AGPAT4: variants seen among roughly 807,000 people sequenced by gnomAD.
AGPAT4 encodes 1-acyl-sn-glycerol-3-phosphate acyltransferase delta.
Under a neutral mutation model 48.0 loss-of-function variants are expected in AGPAT4, and 15 were observed. That is an observed-to-expected ratio of 0.31 (90% CI 0.21 to 0.48). The LOEUF is 0.48. Among genes scored for constraint, AGPAT4 ranks in the 20% least tolerant of loss-of-function variants. The pLI is 0.99. For synonymous variants in AGPAT4, 178 were observed against 198.7 expected, an observed-to-expected ratio of 0.90 and a Z score of 0.88; for missense variants, 314 against 482.5, an observed-to-expected ratio of 0.65 and a Z score of 3.27.
At chr6:161,258,013 T>A (rs1782990915) in intron 1 of AGPAT4, among the ~76,000 whole-genome samples, 1 of 152,210 alleles carries the variant, frequency 6.6e-6, no homozygotes, top group Non-Finnish European at 1.5e-5. Flanking sequence ...GGCGCACACA[T>A]CCTGGCTCCA....
At position 161,161,417 on chromosome 6, in the gene AGPAT4, T is replaced by C; in HGVS notation, c.348+4831A>G. 1 of 456,740 alleles carries C rather than the reference T, an allele frequency of 2.2e-6. No homozygotes were observed. Among genetic ancestry groups the C allele is most frequent in the Non-Finnish European group, 4.4e-6 (1 of 226,988 alleles). 28.3% of individuals were successfully genotyped at this position (456,740 alleles called of 1,614,324 possible). Reference sequence around the variant, plus strand: ...CATGTGATTCCAGATCCCAGCACACTTGCCAAACCCAGTGAATGGTAAGAG... The same window carrying C: ...CATGTGATTCCAGATCCCAGCACACCTGCCAAACCCAGTGAATGGTAAGAG... On this transcript the variant is annotated intron_variant, in intron 3 of 8. Transcript: ENST00000320285. This position sits in a 1 kb window ranked among gnomAD's most constrained non-coding sequence, Gnocchi z 4.6.
Position 161,259,801 on chromosome 6 carries a change from GA to G in AGPAT4, c.-90+14136del, listed in dbSNP as rs1783048673. Reference sequence around the variant, plus strand: ...GAGTTAAGAACTGCCGAAAGAAAATGAAAGTCTTCCGGACAGGGGTCCACTT... The same window carrying G: ...GAGTTAAGAACTGCCGAAAGAAAATGAAGTCTTCCGGACAGGGGTCCACTT... On this transcript the variant is annotated intron_variant, in intron 1 of 8. Coordinates refer to ENST00000320285, the MANE Select transcript of AGPAT4 (RefSeq NM_020133.3). The surrounding 1 kb of genome is among the most constrained non-coding windows in gnomAD (Gnocchi z 4.9). Among the ~76,000 whole-genome samples, 1 of 152,080 alleles carries G rather than the reference GA, an allele frequency of 6.6e-6. No homozygotes were observed. Among genetic ancestry groups the G allele is most frequent in the African/African-American group, 2.4e-5 (1 of 41,414 alleles).
intron 2 of AGPAT4, among the ~76,000 whole-genome samples, chr6:161,172,788 C>T (rs778232717): frequency 3.2e-4 from 49 of 151,506 alleles, no homozygotes; most frequent in Non-Finnish European, 5.9e-4. Flanking sequence ...TGCTATCCAT[C>T]CCCCTTCCCC....
At position 161,206,018 on chromosome 6, in the gene AGPAT4, G is replaced by A. The variant is rs76489556; in HGVS notation, c.178+26018C>T. 0.012 allele frequency among the ~76,000 whole-genome samples: 1,812 copies of A among 152,170 alleles called. 32 individuals are homozygous for A. The highest frequency in any genetic ancestry group is 0.041 in the African/African-American group (1,691 of 41,518). ...GGGCACACCTCGGGATCTGAGGAAC[G>A]ACATGGTGGTGAACTCTTTGTACTC... On this transcript the variant is annotated intron_variant, in intron 2 of 8. Transcript: ENST00000320285. This position sits in a 1 kb window ranked among gnomAD's most constrained non-coding sequence, Gnocchi z 4.8.
At chr6:161,163,732 T>C (rs1780005888) in intron 3 of AGPAT4, among the ~76,000 whole-genome samples, 1 of 152,200 alleles carries the variant, frequency 6.6e-6, no homozygotes, top group African/African-American at 2.4e-5. Flanking sequence ...TCTGTGGTGT[T>C]TGGAGAAGAG....
chr6:161,216,562 A>T lies in AGPAT4; in HGVS notation c.178+15474T>A, dbSNP rs1781652118. ...CAGGCCCCACCCCAGCACTCTCTTA[A>T]TTCAGATGATTTTCCCCAGTGTCCG... On this transcript the variant is annotated intron_variant, in intron 2 of 8. Coordinates refer to ENST00000320285, the MANE Select transcript of AGPAT4 (RefSeq NM_020133.3). This position sits in a 1 kb window ranked among gnomAD's most constrained non-coding sequence, Gnocchi z 4.8. Among the ~76,000 whole-genome samples the T allele has an allele frequency of 6.6e-6, 1 of 152,122 alleles. No individual in the cohort carries two copies. The highest frequency in any genetic ancestry group is 1.5e-5 in the Non-Finnish European group (1 of 68,034).
Position 161,161,082 on chromosome 6 carries a change from G to A in AGPAT4, c.348+5166C>T, listed in dbSNP as rs778125401. On this transcript the variant is annotated intron_variant, in intron 3 of 8. Transcript: ENST00000320285. This position sits in a 1 kb window ranked among gnomAD's most constrained non-coding sequence, Gnocchi z 4.6. ...GTGTACAGCAGACAGCACAGGCTGT[G>A]ACCGTTTGCTGAGGGCTGCGCACAG... 1.1e-5 allele frequency: 5 copies of A among 456,726 alleles called. No individual in the cohort carries two copies. Among genetic ancestry groups the A allele is most frequent in the South Asian group, 7.7e-5 (5 of 64,562 alleles). 28.3% of individuals were successfully genotyped at this position (456,726 alleles called of 1,614,324 possible). A position where few individuals can be genotyped will look rare whatever the true frequency, so the allele number is the denominator to read the frequency against.
At chr6:161,263,004 G>A (rs78560665) in intron 1 of AGPAT4, among the ~76,000 whole-genome samples, 1 of 152,142 alleles carries the variant, frequency 6.6e-6, no homozygotes, top group Admixed American at 6.5e-5. Flanking sequence ...CGAGTGACCA[G>A]AGGCAGAAGA....
intron 2 of AGPAT4, among the ~76,000 whole-genome samples, chr6:161,176,647 G>A (rs1449875614): frequency 1.3e-5 from 2 of 152,084 alleles, no homozygotes; most frequent in East Asian, 1.9e-4. Flanking sequence ...TACATTTAAG[G>A]TTAATATTGT....
In AGPAT4 at chr6:161,264,513, G is replaced by A. The variant is rs1466391304; in HGVS notation, c.-90+9425C>T. ...TCTTCTCTAGGAAGTATTTTAGGAAGCCCAGACTGGGCAGGGGTGGTGAGG... is the reference window on the plus strand; with the variant it reads ...TCTTCTCTAGGAAGTATTTTAGGAAACCCAGACTGGGCAGGGGTGGTGAGG... On this transcript the variant is annotated intron_variant, in intron 1 of 8. Transcript: ENST00000320285. The surrounding 1 kb of genome is among the most constrained non-coding windows in gnomAD (Gnocchi z 6.8). Among the ~76,000 whole-genome samples, 1 of 152,188 alleles carries A rather than the reference G, an allele frequency of 6.6e-6. No individual in the cohort carries two copies. The highest frequency in any genetic ancestry group is 1.9e-4 in the East Asian group (1 of 5,192).
rs866583574 is a variant in AGPAT4 at position 161,232,124 on chromosome 6, G to T, written c.90C>A (p.Thr30=). 9.9e-6 allele frequency: 16 copies of T among 1,614,152 alleles called. No individual in the cohort carries two copies. The Middle Eastern group carries it at 2.5e-3, about 250-fold the overall frequency. ...AGAGGAGGAGAGTGAAGAGCTGAATGGTGTTGATGATTAGCCCTGAGGCAA... is the reference window on the plus strand; with the variant it reads ...AGAGGAGGAGAGTGAAGAGCTGAATTGTGTTGATGATTAGCCCTGAGGCAA... ...VFIASGLIIN[T]IQLFTLLLWP... is the part of the protein sequence containing the mutation. The change falls in exon 2 of 9, where the codon ACC becomes ACA. Residue 30 remains threonine (T), a synonymous_variant. Transcript: ENST00000320285. This position sits in a 1 kb window ranked among gnomAD's most constrained non-coding sequence, Gnocchi z 6.8.
chr6:161,229,463 G>T lies in AGPAT4; in HGVS notation c.178+2573C>A, dbSNP rs770609413. Among the ~76,000 whole-genome samples, 15 of 152,098 alleles carry T rather than the reference G, an allele frequency of 9.9e-5. No homozygotes were observed. The highest frequency in any genetic ancestry group is 2.1e-4 in the Non-Finnish European group (14 of 68,024). Reference sequence around the variant, plus strand: ...TCTGGCTGATCAGTGGCCCAGCAAGGCTTCCTAAACACTCTTTTTACATGG... The same window carrying T: ...TCTGGCTGATCAGTGGCCCAGCAAGTCTTCCTAAACACTCTTTTTACATGG... On this transcript the variant is annotated intron_variant, in intron 2 of 8. Transcript: ENST00000320285. The surrounding 1 kb of genome is among the most constrained non-coding windows in gnomAD (Gnocchi z 6.0).
rs191457892 is a variant in AGPAT4, at chr6:161,153,527, G to A, written c.511-28C>T. The A allele has an allele frequency of 1.8e-3, 2,818 of 1,609,800 alleles. 3 individuals carry two copies. Among genetic ancestry groups the A allele is most frequent in the Non-Finnish European group, 2.1e-3 (2,512 of 1,178,740 alleles). ...GGAAGGAAGGAGGCAGGAGTCGCAC[G>A]CAGCCTCGGGGTCACACACAGCCCT... On this transcript the variant is annotated intron_variant, in intron 4 of 8. Coordinates refer to ENST00000320285, the MANE Select transcript of AGPAT4 (RefSeq NM_020133.3).
rs1247788209 is a variant in AGPAT4, at chr6:161,131,037, A to G, written c.*5503T>C. On this transcript the variant is annotated 3_prime_UTR_variant, in exon 9 of 9. Transcript: ENST00000320285. Reference sequence around the variant, plus strand: ...AATGCAAAGGAATTATTATGCAGCAATCTTAACTTTGTGTACATACCACTC... The same window carrying G: ...AATGCAAAGGAATTATTATGCAGCAGTCTTAACTTTGTGTACATACCACTC... The G allele has an allele frequency of 1.5e-5, 6 of 388,268 alleles. No homozygotes were observed. Among genetic ancestry groups the G allele is most frequent in the East Asian group, 1.3e-4 (2 of 14,940 alleles). 24.1% of individuals were successfully genotyped at this position (388,268 alleles called of 1,614,324 possible).
rs111429821 is a variant in AGPAT4, at chr6:161,178,418, G to A, written c.179-12001C>T. On this transcript the variant is annotated intron_variant, in intron 2 of 8. Coordinates refer to ENST00000320285, the MANE Select transcript of AGPAT4 (RefSeq NM_020133.3). The surrounding 1 kb of genome is among the most constrained non-coding windows in gnomAD (Gnocchi z 5.1). ...CAATGAGCAAGGCTCCGTGGGCGTC[G>A]GACCCTCTGAGCCAGACACGGGATA... is the stretch of plus-strand genomic sequence containing the variant. Among the ~76,000 whole-genome samples, 14 of 152,302 alleles carry A rather than the reference G, an allele frequency of 9.2e-5. No homozygotes were observed. In the South Asian group the frequency reaches 1.0e-3, roughly 11 times the overall value.
chr6:161,197,833 G>A lies in AGPAT4; in HGVS notation c.179-31416C>T, dbSNP rs1781113038. ...AAAATTACTTACGTGGACTCTAGAG[G>A]AAATGTCATCATCAATAAATACCCA... On this transcript the variant is annotated intron_variant, in intron 2 of 8. Coordinates refer to ENST00000320285, the MANE Select transcript of AGPAT4 (RefSeq NM_020133.3). The surrounding 1 kb of genome is among the most constrained non-coding windows in gnomAD (Gnocchi z 5.7). Among the ~76,000 whole-genome samples, 1 of 152,162 alleles carries A rather than the reference G, an allele frequency of 6.6e-6. No homozygotes were observed. Among genetic ancestry groups the A allele is most frequent in the African/African-American group, 2.4e-5 (1 of 41,438 alleles).
rs542687990 is a variant in AGPAT4, at chr6:161,133,745, A to G, written c.*2795T>C. 1 of 152,316 alleles carries G rather than the reference A, an allele frequency of 6.6e-6. No individual in the cohort carries two copies. Among genetic ancestry groups the G allele is most frequent in the South Asian group, 2.1e-4 (1 of 4,820 alleles). 9.4% of individuals were successfully genotyped at this position (152,316 alleles called of 1,614,324 possible). A position where few individuals can be genotyped will look rare whatever the true frequency, so the allele number is the denominator to read the frequency against. On this transcript the variant is annotated 3_prime_UTR_variant, in exon 9 of 9. Transcript: ENST00000320285. ...CTCAAGGTTCGTATTTTTCTCTGCC[A>G]CCTTGAACTACAGAACAGGCTCTCA...
chr6:161,223,275 C>T lies in AGPAT4; in HGVS notation c.178+8761G>A, dbSNP rs1488015123. On this transcript the variant is annotated intron_variant, in intron 2 of 8. Coordinates refer to ENST00000320285, the MANE Select transcript of AGPAT4 (RefSeq NM_020133.3). This position sits in a 1 kb window ranked among gnomAD's most constrained non-coding sequence, Gnocchi z 6.3. ...TTGTTAAAGAATGCCTGCTGGGCGG[C>T]GACAGGCATTCTGCAGCGAATTAGC... Among the ~76,000 whole-genome samples the T allele has an allele frequency of 1.3e-5, 2 of 152,306 alleles. No individual in the cohort carries two copies. The highest frequency in any genetic ancestry group is 2.4e-5 in the African/African-American group (1 of 41,570).
rs1461645245 is a variant in AGPAT4, at chr6:161,244,350, G to C, written c.-89-12048C>G. On this transcript the variant is annotated intron_variant, in intron 1 of 8. Coordinates refer to ENST00000320285, the MANE Select transcript of AGPAT4 (RefSeq NM_020133.3). The surrounding 1 kb of genome is among the most constrained non-coding windows in gnomAD (Gnocchi z 4.7). ...ACCAGCAAATCATGGCACCAAAGAA[G>C]ACTTTTTAATAAAATCTGATCTTTA... 1.3e-5 allele frequency among the ~76,000 whole-genome samples: 2 copies of C among 152,134 alleles called. No individual in the cohort carries two copies. Among genetic ancestry groups the C allele is most frequent in the African/African-American group, 4.8e-5 (2 of 41,428 alleles).
Sources: gnomAD v4.1 joint callset for allele counts (sites outside exome capture counted in the v4.1 genomes callset) on GRCh38, gnomAD v4.1.1 for gene constraint, Gnocchi (gnomAD v3.1) non-coding constraint, MANE v1.5 for transcripts, NCBI Gene and HGNC (gene_info 2026-07-23, HGNC 2026-07-21) for gene names.